PRICKLE1: variants seen among roughly 807,000 people sequenced by gnomAD.
PRICKLE1 encodes prickle-like protein 1.
In PRICKLE1, 14 loss-of-function variants were observed where a neutral mutation model predicts 70.2. The ratio of observed to expected loss-of-function variants is 0.20; its 90% CI spans 0.13 to 0.31. The LOEUF (loss-of-function observed/expected upper bound fraction) is 0.31, where lower values mean the gene tolerates loss of function less well. PRICKLE1 is among the 10% of genes least tolerant of loss of function. The pLI, the probability that PRICKLE1 is intolerant of heterozygous loss-of-function variation, is 1.00. For missense variants in PRICKLE1, 821 were observed against 1,026.2 expected (o/e 0.80, Z 2.73); for synonymous variants, 357 against 379.9 (o/e 0.94, Z 0.70).
chr12:42,492,618 G>GATTTTGTAGTGA (rs1939126499), intron 1 of PRICKLE1, among the ~76,000 whole-genome samples: 1 of 152,212 alleles, frequency 6.6e-6, no homozygotes, highest in Non-Finnish European at 1.5e-5. Context: ...TTGTAGTGAA[G>GATTTTGTAGTGA]ACTGGTTTAC....
chr12:42,459,578 A>G lies in PRICKLE1; in HGVS notation c.*231T>C. ...CTACGTCCATCTGTAACGCACCCGC[A>G]CCGGACAGGCACGAGATGTCACGTC... On this transcript the variant is annotated 3_prime_UTR_variant, in exon 8 of 8. Transcript: ENST00000345127. The G allele has an allele frequency of 1.6e-6, 1 of 631,054 alleles. No homozygotes were observed. Among genetic ancestry groups the G allele is most frequent in the Non-Finnish European group, 2.8e-6 (1 of 358,448 alleles). 39.1% of individuals were successfully genotyped at this position (631,054 alleles called of 1,614,324 possible).
intron 1 of PRICKLE1, among the ~76,000 whole-genome samples, chr12:42,581,352 C>T (rs1940895764): frequency 6.6e-6 from 1 of 151,990 alleles, no homozygotes; most frequent in Non-Finnish European, 1.5e-5. Context: ...AAAAAACTGG[C>T]TTTTTCTGTA....
intron 2 of PRICKLE1, among the ~76,000 whole-genome samples, chr12:42,471,768 T>C (rs1320213789): frequency 6.6e-6 from 1 of 152,206 alleles, no homozygotes; most frequent in East Asian, 1.9e-4. Context: ...ATTGTAAAGA[T>C]ATTGGGAAAA....
chr12:42,526,030 G>A (rs187741538), intron 1 of PRICKLE1, among the ~76,000 whole-genome samples: 4 of 152,246 alleles, frequency 2.6e-5, no homozygotes, highest in East Asian at 1.9e-4. Context: ...GGGATCTTAC[G>A]TGTTTGGAAA....
chr12:42,568,242 T>A (rs2120739094), intron 1 of PRICKLE1, among the ~76,000 whole-genome samples: 1 of 152,368 alleles, frequency 6.6e-6, no homozygotes, highest in East Asian at 1.9e-4. Context: ...TGGCCTGATC[T>A]CAGCTCACTG....
At chr12:42,497,600 T>C (rs1939230328) in intron 1 of PRICKLE1, among the ~76,000 whole-genome samples, 1 of 150,646 alleles carries the variant, frequency 6.6e-6, no homozygotes, top group African/African-American at 2.4e-5. Flanking sequence ...ATGGGCACAG[T>C]TCATGGTGCC....
intron 1 of PRICKLE1, among the ~76,000 whole-genome samples, chr12:42,577,371 T>C (rs759122824): frequency 7.2e-5 from 11 of 152,158 alleles, no homozygotes; most frequent in Non-Finnish European, 1.3e-4. Context: ...GGGAAGTGTA[T>C]ATTCTGTTAG....
intron 4 of PRICKLE1, among the ~76,000 whole-genome samples, chr12:42,469,232 T>G (rs763170858): frequency 5.3e-4 from 81 of 152,192 alleles, no homozygotes; most frequent in Middle Eastern, 3.2e-3. Flanking sequence ...ACCCAATGTT[T>G]GCATAAGGGT....
intron 1 of PRICKLE1, among the ~76,000 whole-genome samples, chr12:42,477,406 CATATT>C (rs1938590368): frequency 6.8e-6 from 1 of 147,394 alleles, no homozygotes; most frequent in African/African-American, 2.5e-5. Flanking sequence ...TATATATACA[CATATT>C]ATATATATGT....
At chr12:42,507,257 T>C (rs1939436487) in intron 1 of PRICKLE1, among the ~76,000 whole-genome samples, 1 of 152,186 alleles carries the variant, frequency 6.6e-6, no homozygotes, top group East Asian at 1.9e-4. Context: ...GACTGACACA[T>C]AGCAGGCAGA....
intron 1 of PRICKLE1, among the ~76,000 whole-genome samples, chr12:42,478,639 GAAAT>G: frequency 6.6e-6 from 1 of 151,684 alleles, no homozygotes; most frequent in East Asian, 1.9e-4. Context: ...GTCAAGTAGA[GAAAT>G]AAATGTCAAA....
At chr12:42,588,851 C>G (rs531413868) in intron 1 of PRICKLE1, among the ~76,000 whole-genome samples, 58 of 152,330 alleles carry the variant, frequency 3.8e-4, no homozygotes, top group African/African-American at 1.3e-3. Context: ...GAGTCCCGCT[C>G]CTAATAACTA....
At chr12:42,541,002 T>C (rs900758989) in intron 1 of PRICKLE1, among the ~76,000 whole-genome samples, 1 of 152,160 alleles carries the variant, frequency 6.6e-6, no homozygotes, top group Admixed American at 6.6e-5. Flanking sequence ...TTTTTTTTCA[T>C]TTAAACAAGT....
intron 1 of PRICKLE1, among the ~76,000 whole-genome samples, chr12:42,573,246 A>G (rs1047171356): frequency 6.6e-6 from 1 of 152,228 alleles, no homozygotes; most frequent in Non-Finnish European, 1.5e-5. Flanking sequence ...GAATTACTTC[A>G]ATGGGCATTG....
At chr12:42,550,504 T>C (rs537127133) in intron 1 of PRICKLE1, among the ~76,000 whole-genome samples, 1 of 152,344 alleles carries the variant, frequency 6.6e-6, no homozygotes, top group South Asian at 2.1e-4. Flanking sequence ...TCTATCAGTT[T>C]ATCCTTTCTT....
intron 1 of PRICKLE1, among the ~76,000 whole-genome samples, chr12:42,528,877 A>G (rs969555208): frequency 6.6e-6 from 1 of 152,240 alleles, no homozygotes; most frequent in African/African-American, 2.4e-5. Flanking sequence ...CAGACTACAC[A>G]GCTTCTCTAT....
At chr12:42,556,815 A>G (rs1002257793) in intron 1 of PRICKLE1, among the ~76,000 whole-genome samples, 2 of 152,190 alleles carry the variant, frequency 1.3e-5, no homozygotes, top group Admixed American at 6.5e-5. Context: ...GGGTTTTGCA[A>G]AATTGAATGT....
chr12:42,498,470 G>C (rs1939249422), intron 1 of PRICKLE1, among the ~76,000 whole-genome samples: 3 of 152,062 alleles, frequency 2.0e-5, no homozygotes, highest in Admixed American at 2.0e-4. Flanking sequence ...CACTGTGCTT[G>C]GTCTCATTTT....
intron 1 of PRICKLE1, among the ~76,000 whole-genome samples, chr12:42,539,026 T>C (rs910914973): frequency 2.0e-5 from 3 of 152,200 alleles, no homozygotes; most frequent in Non-Finnish European, 4.4e-5. Context: ...AATTTTAATA[T>C]AGCATACATC....
Sources: gnomAD v4.1 joint callset for allele counts (sites outside exome capture counted in the v4.1 genomes callset) on GRCh38, gnomAD v4.1.1 for gene constraint, MANE v1.5 for transcripts, NCBI Gene and HGNC (gene_info 2026-07-23, HGNC 2026-07-21) for gene names.